Variants in UBE3B observed in about 807,000 individuals in gnomAD.
The protein encoded by UBE3B is ubiquitin-protein ligase E3B.
A neutral mutation model predicts 132.3 loss-of-function variants in UBE3B; 80 were observed. The observed-to-expected ratio is 0.60, with a 90% CI of 0.50 to 0.73. UBE3B has a LOEUF of 0.73. Among genes scored for constraint, UBE3B ranks in the 30% least tolerant of loss-of-function variants. The pLI is 0.00. For missense variants in UBE3B, 1,196 were observed against 1,362.5 expected (o/e 0.88, Z 1.92); for synonymous variants, 487 against 520.4 (o/e 0.94, Z 0.87).
chr12:109,486,370 C>T, intron 5 of UBE3B, 101 bp from the exon 6 acceptor site: 2 of 949,604 alleles, frequency 2.1e-6, no homozygotes, highest in South Asian at 1.6e-5. Flanking sequence ...ACTGCTTTAT[C>T]TGGCACTGGA....
chr12:109,496,025 A>C (rs958968578), intron 9 of UBE3B, among the ~76,000 whole-genome samples: 4 of 152,200 alleles, frequency 2.6e-5, no homozygotes, highest in African/African-American at 9.6e-5. Context: ...ATAATATTTT[A>C]TCACCCTGAA....
At chr12:109,494,626 T>C (rs1159960719) in intron 9 of UBE3B, among the ~76,000 whole-genome samples, 1 of 152,224 alleles carries the variant, frequency 6.6e-6, no homozygotes, top group East Asian at 1.9e-4. Flanking sequence ...CCAGAGGTAC[T>C]TAAATGCAAC....
intron 9 of UBE3B, chr12:109,491,947 T>G (rs1475893334): frequency 6.6e-6 from 1 of 152,154 alleles, no homozygotes; most frequent in Non-Finnish European, 1.5e-5. Flanking sequence ...GCCGTTGATA[T>G]CCCATGAAAT....
At chr12:109,517,758 C>T (rs978806403) in intron 19 of UBE3B, among the ~76,000 whole-genome samples, 2 of 152,190 alleles carry the variant, frequency 1.3e-5, no homozygotes, top group African/African-American at 4.8e-5. Context: ...CCCCATGAGC[C>T]TGTCCTGTAG....
At chr12:109,524,301 A>C in intron 22 of UBE3B, 137 bp from the exon 23 acceptor site, 1 of 1,347,670 alleles carries the variant, frequency 7.4e-7, no homozygotes, top group Non-Finnish European at 1.0e-6. Flanking sequence ...CAAAGTCACG[A>C]ATGACTTTCT....
At chr12:109,479,711 A>G (rs1875027093) in intron 1 of UBE3B, among the ~76,000 whole-genome samples, 2 of 152,206 alleles carry the variant, frequency 1.3e-5, no homozygotes, top group South Asian at 2.1e-4. Context: ...AGGCTATTAT[A>G]TGATATGAAC....
intron 4 of UBE3B, among the ~76,000 whole-genome samples, chr12:109,485,222 G>A (rs898656060): frequency 1.3e-5 from 2 of 152,228 alleles, no homozygotes; most frequent in Non-Finnish European, 2.9e-5. Context: ...ACTGAGGCAT[G>A]TCTCCAAGTT....
intron 14 of UBE3B, among the ~76,000 whole-genome samples, chr12:109,503,671 A>G (rs1313767680): frequency 6.6e-6 from 1 of 152,230 alleles, no homozygotes; most frequent in East Asian, 1.9e-4. Context: ...TATTGGCTAC[A>G]TAGTATCTCA....
rs764225543 is a variant in UBE3B at position 109,529,990 on chromosome 12, G to A, written c.2728G>A (p.Glu910Lys). The A allele has an allele frequency of 8.7e-6, 14 of 1,613,876 alleles. No homozygotes were observed. The highest frequency in any genetic ancestry group is 2.2e-5 in the South Asian group (2 of 91,070). ...CGGATTCCGTTCCATTATCAAACCCGAGTGGATCCGAATGTTCTCAACTCC... is the reference window on the plus strand; with the variant it reads ...CGGATTCCGTTCCATTATCAAACCCAAGTGGATCCGAATGTTCTCAACTCC... ...ISGFRSIIKP[E>K]WIRMFSTPEL... Residue 910 changes from glutamate (E) to lysine (K), a missense_variant, in exon 25 of 28, where the codon GAG (glutamate) becomes AAG (lysine). Transcript: ENST00000342494.
At position 109,524,433 on chromosome 12, in the gene UBE3B, A is replaced by G. The variant is rs1383210503; in HGVS notation, c.2503-5A>G. 1.9e-6 allele frequency: 3 copies of G among 1,614,104 alleles called. No individual in the cohort carries two copies. The African/African-American group carries it at 4.0e-5, about 22-fold the overall frequency. Reference sequence around the variant, plus strand: ...CTAACACTTTCCCCTTCTCTGTTACATTAGCGCTATGATGGGGACATCACT... The same window carrying G: ...CTAACACTTTCCCCTTCTCTGTTACGTTAGCGCTATGATGGGGACATCACT... On this transcript the variant is annotated splice_polypyrimidine_tract_variant and splice_region_variant and intron_variant, in intron 22 of 27. Coordinates refer to ENST00000342494, the MANE Select transcript of UBE3B (RefSeq NM_130466.4).
Position 109,524,023 on chromosome 12 carries a change from C to A in UBE3B, c.2410C>A (p.Leu804Met), listed in dbSNP as rs761560741. 1 of 1,614,094 alleles carries A rather than the reference C, an allele frequency of 6.2e-7. No individual in the cohort carries two copies. The highest frequency in any genetic ancestry group is 1.3e-5 in the African/African-American group (1 of 74,934). Reference protein sequence around the residue: ...VPFASFFLSQLLGHHHSVFYS... With the variant: ...VPFASFFLSQMLGHHHSVFYS... ...ATTTGCATCCTTCTTCCTGAGCCAA[C>A]TGCTTGGGCACCACCACAGCGTCTT... Residue 804 changes from leucine to methionine, a missense_variant, in exon 22 of 28, where the codon CTG becomes ATG. Coordinates refer to ENST00000342494, the MANE Select transcript of UBE3B (RefSeq NM_130466.4).
intron 8 of UBE3B, chr12:109,490,426 T>G: frequency 6.5e-7 from 1 of 1,531,816 alleles, no homozygotes; most frequent in South Asian, 1.2e-5. Flanking sequence ...GATTGCTGTT[T>G]AAAGGTACAA....
chr12:109,487,846 C>T (rs1214243670), intron 6 of UBE3B, among the ~76,000 whole-genome samples: 1 of 152,186 alleles, frequency 6.6e-6, no homozygotes, highest in Non-Finnish European at 1.5e-5. Flanking sequence ...CTCTTACTGT[C>T]GATGAGCTTT....
downstream of UBE3B, among the ~76,000 whole-genome samples, chr12:109,539,128 C>T (rs547959172): frequency 6.6e-6 from 1 of 152,094 alleles, no homozygotes; most frequent in South Asian, 2.1e-4. Flanking sequence ...CCCAGCTACT[C>T]GGGAGGCTGA....
chr12:109,486,390 T>G (rs1324021521), intron 5 of UBE3B, 81 bp from the exon 6 acceptor site: 11 of 1,157,224 alleles, frequency 9.5e-6, no homozygotes, highest in African/African-American at 1.6e-5. Flanking sequence ...ACCTAACTAA[T>G]AGGTCCAGTT....
intron 12 of UBE3B, among the ~76,000 whole-genome samples, 195 bp downstream of exon 12, chr12:109,500,005 T>C (rs912634466): frequency 2.0e-5 from 3 of 152,224 alleles, no homozygotes; most frequent in African/African-American, 4.8e-5. Flanking sequence ...CAAAGATAAC[T>C]TGAGTGAACA....
intron 9 of UBE3B, among the ~76,000 whole-genome samples, chr12:109,494,223 C>T (rs1877870091): frequency 2.0e-5 from 3 of 152,210 alleles, no homozygotes; most frequent in South Asian, 4.1e-4. Flanking sequence ...AGAAATTAAA[C>T]CCAGGCTATT....
chr12:109,501,417 T>TG lies in UBE3B; in HGVS notation c.1171dup (p.Val391GlyfsTer10). ...GATCACCAAACAGCTGCAGTTCTTG[T>TG]GGGGGGTGCCTCTGATCCGGATCTT... On this transcript the variant is annotated frameshift_variant, in exon 13 of 28. Transcript: ENST00000342494. LOFTEE classifies it high-confidence loss of function. 2 of 1,614,106 alleles carry TG rather than the reference T, an allele frequency of 1.2e-6. No individual in the cohort carries two copies. Among genetic ancestry groups the TG allele is most frequent in the Non-Finnish European group, 1.7e-6 (2 of 1,180,000 alleles).
chr12:109,492,692 G>A (rs61941592), intron 9 of UBE3B: 25,929 of 150,312 alleles, frequency 0.17, 2,294 homozygotes, highest in African/African-American at 0.19. Flanking sequence ...GCAGCGAGCC[G>A]TGATTGAGCT....
Sources: gnomAD v4.1 joint callset for allele counts (sites outside exome capture counted in the v4.1 genomes callset) on GRCh38, gnomAD v4.1.1 for gene constraint, MANE v1.5 for transcripts, NCBI Gene and HGNC (gene_info 2026-07-23, HGNC 2026-07-21) for gene names.